Variants in ESR2 observed in about 807,000 individuals in gnomAD.
ESR2 encodes the protein estrogen receptor 2, also known as estrogen receptor beta.
In ESR2, 36 loss-of-function variants were observed where a neutral mutation model predicts 49.6. That is an observed-to-expected ratio of 0.73 (90% CI 0.56 to 0.96). ESR2 has a LOEUF of 0.96. Among genes scored for constraint, ESR2 ranks in the 40% least tolerant of loss-of-function variants. The pLI, the probability that ESR2 is intolerant of heterozygous loss-of-function variation, is 0.00. For synonymous variants in ESR2, 320 were observed against 266.1 expected, an observed-to-expected ratio of 1.20 and a Z score of -1.97; for missense variants, 714 against 693.0, an observed-to-expected ratio of 1.03 and a Z score of -0.34.
At chr14:64,305,159 C>T (rs1351264310) in intron 1 of ESR2, among the ~76,000 whole-genome samples, 12 of 151,064 alleles carry the variant, frequency 7.9e-5, no homozygotes, top group East Asian at 2.0e-4. Context: ...GGCGTGGTGG[C>T]GGGCGCCTGT....
chr14:64,289,404 C>A (rs139640940), intron 1 of ESR2, among the ~76,000 whole-genome samples: 1 of 151,922 alleles, frequency 6.6e-6, no homozygotes, highest in African/African-American at 2.4e-5. Flanking sequence ...CCCAGCTACT[C>A]GGGAGGATGA....
At chr14:64,236,463 A>G (rs2075601343) in intron 7 of ESR2, among the ~76,000 whole-genome samples, 1 of 152,056 alleles carries the variant, frequency 6.6e-6, no homozygotes, top group Non-Finnish European at 1.5e-5. Flanking sequence ...TGAGAGGCCA[A>G]AAAGCAGATC....
intron 1 of ESR2, among the ~76,000 whole-genome samples, chr14:64,324,272 T>C (rs2077363346): frequency 6.6e-6 from 1 of 152,192 alleles, no homozygotes; most frequent in Non-Finnish European, 1.5e-5. Flanking sequence ...ATATTGATGG[T>C]TTTATCTGTC....
intron 3 of ESR2, among the ~76,000 whole-genome samples, chr14:64,278,952 T>C (rs1270003579): frequency 1.3e-5 from 2 of 152,216 alleles, no homozygotes; most frequent in Admixed American, 6.5e-5. Context: ...GAATCACTGA[T>C]AGAACAGACC....
intron 1 of ESR2, among the ~76,000 whole-genome samples, chr14:64,290,976 G>A (rs181420302): frequency 6.6e-6 from 1 of 152,298 alleles, no homozygotes; most frequent in Admixed American, 6.5e-5. Context: ...GCAGGGGTGG[G>A]AGAGAGTTCA....
intron 7 of ESR2, among the ~76,000 whole-genome samples, chr14:64,236,972 T>C (rs2075618343): frequency 6.7e-6 from 1 of 150,082 alleles, no homozygotes; most frequent in Non-Finnish European, 1.5e-5. Context: ...TTTTTTTTTC[T>C]TTTCTTGAGA....
At chr14:64,285,837 AAAAAAG>A (rs1286126352) in intron 1 of ESR2, among the ~76,000 whole-genome samples, 21 of 146,828 alleles carry the variant, frequency 1.4e-4, no homozygotes, top group Non-Finnish European at 2.3e-4. Context: ...AAAAAAAAAA[AAAAAAG>A]AAAAAGAAAA....
At position 64,294,210 on chromosome 14, in the gene ESR2, C is replaced by G. The variant is rs959548671; in HGVS notation, c.-268G>C. 6.6e-6 allele frequency: 1 copy of G among 151,986 alleles called. No individual in the cohort carries two copies. The highest frequency in any genetic ancestry group is 2.4e-5 in the African/African-American group (1 of 41,336). 9.4% of individuals were successfully genotyped at this position (151,986 alleles called of 1,614,324 possible). On this transcript the variant is annotated 5_prime_UTR_variant, in exon 1 of 9. Coordinates refer to ENST00000341099, the MANE Select transcript of ESR2 (RefSeq NM_001437.3). ...CCCGCAGCCCCAGAGCCCGTCGCAG[C>G]TCGGGTGGTCCCTCCCCGGCCCAGC...
At chr14:64,261,798 C>G (rs758973509) in intron 4 of ESR2, among the ~76,000 whole-genome samples, 1 of 152,172 alleles carries the variant, frequency 6.6e-6, no homozygotes, top group African/African-American at 2.4e-5. Context: ...GTTGCCCAAG[C>G]TGGAGTGTAA....
chr14:64,279,218 C>T lies in ESR2; in HGVS notation c.535+763G>A, dbSNP rs140550870. Among the ~76,000 whole-genome samples, 872 of 152,276 alleles carry T rather than the reference C, an allele frequency of 5.7e-3. 10 individuals are homozygous for T. The highest frequency in any genetic ancestry group is 0.02 in the African/African-American group (834 of 41,548). On this transcript the variant is annotated intron_variant, in intron 3 of 8. Coordinates refer to ENST00000341099, the MANE Select transcript of ESR2 (RefSeq NM_001437.3). ...TACATCTTACATGCATTGATTAATG[C>T]CTTATGTCTCCCTAAAATGTATAAG...
At chr14:64,288,711 C>T (rs970399836) in intron 1 of ESR2, among the ~76,000 whole-genome samples, 4 of 150,018 alleles carry the variant, frequency 2.7e-5, no homozygotes, top group East Asian at 2.0e-4. Flanking sequence ...GTCACCCGGG[C>T]GCGGGTGGCT....
chr14:64,323,710 G>C (rs2077353480), intron 1 of ESR2, among the ~76,000 whole-genome samples: 1 of 152,024 alleles, frequency 6.6e-6, no homozygotes, highest in South Asian at 2.1e-4. Context: ...TGTTTGTTTT[G>C]AGATGGAGTC....
chr14:64,275,319 TTTA>T (rs1441167998), intron 3 of ESR2, among the ~76,000 whole-genome samples: 2 of 152,226 alleles, frequency 1.3e-5, no homozygotes, highest in Admixed American at 6.5e-5. Context: ...AATTGACATC[TTTA>T]TTATTAGTGA....
Position 64,257,209 on chromosome 14 carries a change from A to G in ESR2, c.1091+17T>C. ...CTCAAACAAGTCAGAGAAGAAACAC[A>G]ATGTATTTTTTCTCACCTGTCCAGA... On this transcript the variant is annotated intron_variant, in intron 6 of 8. Transcript: ENST00000341099. The G allele has an allele frequency of 6.2e-7, 1 of 1,613,200 alleles. No individual in the cohort carries two copies. The highest frequency in any genetic ancestry group is 1.3e-5 in the African/African-American group (1 of 74,966).
intron 3 of ESR2, among the ~76,000 whole-genome samples, chr14:64,276,243 G>A (rs1448275647): frequency 3.3e-5 from 5 of 152,024 alleles, no homozygotes; most frequent in Non-Finnish European, 7.4e-5. Context: ...GTAATAATAG[G>A]TTAATATATA....
At chr14:64,303,585 C>G (rs1178134908) in intron 1 of ESR2, 4 of 152,184 alleles carry the variant, frequency 2.6e-5, no homozygotes, top group African/African-American at 7.2e-5. Flanking sequence ...CAAGGATCAC[C>G]TGCTAGAGAG....
chr14:64,303,249 A>G (rs1244920551), intron 1 of ESR2, among the ~76,000 whole-genome samples: 1 of 152,136 alleles, frequency 6.6e-6, no homozygotes, highest in African/African-American at 2.4e-5. Context: ...TTCTTTTTTC[A>G]AACAACCCAG....
chr14:64,316,227 G>A (rs886878707), intron 1 of ESR2, among the ~76,000 whole-genome samples: 48 of 149,948 alleles, frequency 3.2e-4, no homozygotes, highest in Non-Finnish European at 6.1e-4. Flanking sequence ...GCCCAGGCTG[G>A]TCTCAAACTC....
At chr14:64,320,778 C>G (rs1253019199) in intron 1 of ESR2, among the ~76,000 whole-genome samples, 3 of 152,028 alleles carry the variant, frequency 2.0e-5, no homozygotes, top group Non-Finnish European at 4.4e-5. Flanking sequence ...GTGTGTAATC[C>G]CAGCTACTCA....
Sources: allele counts gnomAD v4.1 joint callset (sites outside exome capture counted in the v4.1 genomes callset), GRCh38; gene constraint gnomAD v4.1.1; transcripts MANE v1.5; gene names NCBI Gene and HGNC (gene_info 2026-07-23, HGNC 2026-07-21).